Variants in TIAM1 observed in about 807,000 individuals in gnomAD.
TIAM1 encodes TIAM Rac1 associated GEF 1, also known as rho guanine nucleotide exchange factor TIAM1.
In TIAM1, 65 loss-of-function variants were observed where a neutral mutation model predicts 163.5. That is an observed-to-expected ratio of 0.40 (90% CI 0.33 to 0.49). The LOEUF (loss-of-function observed/expected upper bound fraction) is 0.49, where lower values mean the gene tolerates loss of function less well. Among genes scored for constraint, TIAM1 ranks in the 20% least tolerant of loss-of-function variants. The probability of loss-of-function intolerance (pLI) is 0.77; values close to 1 mark genes in which losing one functional copy is unlikely to be tolerated. For synonymous variants in TIAM1, 833 were observed against 810.1 expected (o/e 1.03, Z -0.48); for missense variants, 1,789 against 2,044.7 (o/e 0.87, Z 2.41).
At position 31,252,089 on chromosome 21, in the gene TIAM1, G is replaced by C; in HGVS notation, c.1064C>G (p.Ser355Cys). ...LLSRRSNATNSSYSPTTGRAF... is the reference protein window; with the variant it reads ...LLSRRSNATNCSYSPTTGRAF... ...CCGGCCTGTGGTGGGTGAGTAGCTGGAGTTGGTGGCATTAGATCGCCTGGA... is the reference window on the plus strand; with the variant it reads ...CCGGCCTGTGGTGGGTGAGTAGCTGCAGTTGGTGGCATTAGATCGCCTGGA... The change falls in exon 5 of 28, where the codon TCC becomes TGC. Residue 355 changes from serine to cysteine, a missense_variant. By Grantham distance (112) the Ser-to-Cys change is moderately radical. Around this residue, in one of 5 missense-constraint regions of TIAM1, gnomAD observed 555 missense variants for 564.9 expected, o/e 0.98. Transcript: ENST00000541036. 6.2e-7 allele frequency: 1 copy of C among 1,613,980 alleles called. No homozygotes were observed.
At chr21:31,543,796 G>T (rs2048397348) in intron 1 of TIAM1, among the ~76,000 whole-genome samples, 1 of 152,200 alleles carries the variant, frequency 6.6e-6, no homozygotes, top group African/African-American at 2.4e-5. Flanking sequence ...TGGACCAGTA[G>T]GGCTAGCCAT....
chr21:31,274,911 C>T (rs1247471122), intron 3 of TIAM1, among the ~76,000 whole-genome samples: 1 of 144,592 alleles, frequency 6.9e-6, no homozygotes, highest in African/African-American at 2.6e-5. Context: ...GAGTTTGAGA[C>T]TAGTCTGGCC....
intron 2 of TIAM1, among the ~76,000 whole-genome samples, chr21:31,394,718 T>TCTCG (rs1187183431): frequency 3.3e-5 from 4 of 122,320 alleles, no homozygotes; most frequent in African/African-American, 1.3e-4. Flanking sequence ...GCTCTCTCTC[T>TCTCG]CTCTCTCTCT....
intron 1 of TIAM1, among the ~76,000 whole-genome samples, chr21:31,526,701 G>GTTGT (rs754783107): frequency 1.1e-4 from 16 of 151,776 alleles, no homozygotes; most frequent in South Asian, 8.3e-4. Context: ...CTCTTTTTTT[G>GTTGT]TTGTTTGTTT....
At chr21:31,556,365 C>CA (rs1569432009) in intron 1 of TIAM1, among the ~76,000 whole-genome samples, 2 of 152,182 alleles carry the variant, frequency 1.3e-5, no homozygotes, top group Admixed American at 1.3e-4. Context: ...ACGGAAGAGA[C>CA]AGAGCGCAAT....
intron 15 of TIAM1, among the ~76,000 whole-genome samples, chr21:31,167,897 C>T (rs896329665): frequency 1.3e-5 from 2 of 152,126 alleles, no homozygotes; most frequent in African/African-American, 4.8e-5. Flanking sequence ...AGTACAACTT[C>T]AGGAGTTAGA....
intron 6 of TIAM1, among the ~76,000 whole-genome samples, chr21:31,227,796 G>A (rs1385976337): frequency 6.6e-6 from 1 of 152,160 alleles, no homozygotes; most frequent in Non-Finnish European, 1.5e-5. Context: ...AGGCTCTCCT[G>A]CATCTAATGA....
intron 2 of TIAM1, among the ~76,000 whole-genome samples, chr21:31,404,406 C>A (rs57391861): frequency 0.11 from 16,505 of 151,936 alleles, 2,272 homozygotes; most frequent in African/African-American, 0.32. Flanking sequence ...TGTGTCTATA[C>A]AACATTTATT....
intron 1 of TIAM1, among the ~76,000 whole-genome samples, chr21:31,544,496 TG>T (rs1193040554): frequency 1.4e-5 from 2 of 147,224 alleles, no homozygotes; most frequent in African/African-American, 5.0e-5. Context: ...GGCACGATGG[TG>T]GGCGCCTGTA....
chr21:31,425,904 T>C (rs193162618), intron 2 of TIAM1, among the ~76,000 whole-genome samples: 134 of 152,116 alleles, frequency 8.8e-4, no homozygotes, highest in Middle Eastern at 3.4e-3. Flanking sequence ...TGCTAATTTT[T>C]GTATTTTTAG....
chr21:31,482,772 C>T (rs139303264), intron 1 of TIAM1, among the ~76,000 whole-genome samples: 1 of 152,150 alleles, frequency 6.6e-6, no homozygotes. Context: ...ACCAGAAGCA[C>T]CCCTAGTCAA....
At chr21:31,514,032 T>G (rs1032904884) in intron 1 of TIAM1, among the ~76,000 whole-genome samples, 15 of 152,032 alleles carry the variant, frequency 9.9e-5, no homozygotes, top group African/African-American at 3.6e-4. Context: ...AATAAGGTTC[T>G]GGCACATCCC....
chr21:31,236,172 C>T (rs1396723832), intron 6 of TIAM1, among the ~76,000 whole-genome samples: 7 of 152,288 alleles, frequency 4.6e-5, no homozygotes, highest in Admixed American at 2.0e-4. Context: ...CCCACCAGAC[C>T]GTGTGGTATT....
In TIAM1 at chr21:31,366,543, T is replaced by C. The variant is rs535300588; in HGVS notation, c.-368-27121A>G. The stretch of plus-strand genomic sequence containing the variant: ...TGTCATCTTCATGGTGAGCACTATG[T>C]AGCCATATCCTACAGGCTTTCTTTG... On this transcript the variant is annotated intron_variant, in intron 2 of 28. Coordinates refer to the TIAM1 transcript ENST00000286827. Among the ~76,000 whole-genome samples, 29 of 152,340 alleles carry C rather than the reference T, an allele frequency of 1.9e-4. 1 individual carries two copies. In the South Asian group the frequency reaches 6.0e-3, roughly 32 times the overall value.
chr21:31,453,723 TAAATAAATAAATTTTAAA>T (rs2044972609), intron 2 of TIAM1, among the ~76,000 whole-genome samples: 1 of 148,360 alleles, frequency 6.7e-6, no homozygotes. Context: ...AATAAATAAA[TAAATAAATAAATTTTAAA>T]AAATAAAAAA....
chr21:31,250,095 G>A (rs1175137265), intron 5 of TIAM1, among the ~76,000 whole-genome samples: 1 of 143,894 alleles, frequency 6.9e-6, no homozygotes, highest in Non-Finnish European at 1.5e-5. Flanking sequence ...GCAGTGAGCT[G>A]TAACTGTGCC....
chr21:31,422,078 T>C (rs2043597500), intron 2 of TIAM1, among the ~76,000 whole-genome samples: 1 of 152,124 alleles, frequency 6.6e-6, no homozygotes, highest in Non-Finnish European at 1.5e-5. Context: ...TGCCAACACC[T>C]TGACTTCAGG....
At chr21:31,282,078 C>T (rs1033471136) in intron 2 of TIAM1, among the ~76,000 whole-genome samples, 6 of 152,202 alleles carry the variant, frequency 3.9e-5, no homozygotes, top group African/African-American at 1.4e-4. Flanking sequence ...AGCTACACAT[C>T]TAGCTCCATT....
At chr21:31,248,129 C>T (rs2071604734) in intron 5 of TIAM1, among the ~76,000 whole-genome samples, 1 of 152,082 alleles carries the variant, frequency 6.6e-6, no homozygotes, top group Non-Finnish European at 1.5e-5. Flanking sequence ...TGTTGAGAAA[C>T]CCTGCTCTAA....
Sources: gnomAD v4.1 joint callset for allele counts (sites outside exome capture counted in the v4.1 genomes callset) on GRCh38, gnomAD v4.1.1 for gene constraint, gnomAD v4.1.1 regional missense constraint, MANE v1.5 for transcripts, NCBI Gene and HGNC (gene_info 2026-07-23, HGNC 2026-07-21) for gene names.